The following CERS4 variants were observed in gnomAD, a reference collection of about 807,000 sequenced individuals.
CERS4 encodes ceramide synthase 4, also known as LAG1 homolog, ceramide synthase 4.
A neutral mutation model predicts 51.8 loss-of-function variants in CERS4; 65 were observed. The observed-to-expected ratio is 1.26, with a 90% CI of 1.03 to 1.54. CERS4 has a LOEUF of 1.54. CERS4 is among the 40% of genes most tolerant of loss of function. The probability of loss-of-function intolerance (pLI) is 0.00; values close to 1 mark genes in which losing one functional copy is unlikely to be tolerated. For synonymous variants in CERS4, 228 were observed against 208.4 expected (o/e 1.09, Z -0.81); for missense variants, 563 against 500.4 (o/e 1.13, Z -1.19).
intron 2 of CERS4, among the ~76,000 whole-genome samples, chr19:8,230,864 G>A (rs1488067977): frequency 6.6e-6 from 1 of 152,032 alleles, no homozygotes; most frequent in Non-Finnish European, 1.5e-5. Flanking sequence ...TTTTGAGACA[G>A]GGTCTCACTC....
At chr19:8,246,916 A>G (rs1343731569) in intron 2 of CERS4, among the ~76,000 whole-genome samples, 1 of 152,174 alleles carries the variant, frequency 6.6e-6, no homozygotes, top group Non-Finnish European at 1.5e-5. Context: ...CTATAATCCC[A>G]GCACTTTGGG....
In CERS4 at chr19:8,210,829, A is replaced by C. The variant is rs1967055670; in HGVS notation, c.-35A>C. The C allele has an allele frequency of 6.6e-6, 1 of 151,568 alleles. No individual in the cohort carries two copies. The highest frequency in any genetic ancestry group is 2.1e-4 in the South Asian group (1 of 4,776). The allele number at this position is 151,568 out of a possible 1,614,324, so 9.4% of individuals were successfully genotyped here. On this transcript the variant is annotated 5_prime_UTR_variant, in exon 2 of 12. Coordinates refer to ENST00000251363, the MANE Select transcript of CERS4 (RefSeq NM_024552.3). This position sits in a 1 kb window ranked among gnomAD's most constrained non-coding sequence, Gnocchi z 4.2. Reference sequence around the variant, plus strand: ...GGAAGAGGCATTGAGGACTTTCCTTACCTGTTTTTCCAGCTCACCCACTGC... The same window carrying C: ...GGAAGAGGCATTGAGGACTTTCCTTCCCTGTTTTTCCAGCTCACCCACTGC...
At chr19:8,258,915 C>T (rs888051224) in intron 10 of CERS4, among the ~76,000 whole-genome samples, 1 of 151,872 alleles carries the variant, frequency 6.6e-6, no homozygotes, top group African/African-American at 2.4e-5. Context: ...GGCTGGATCA[C>T]CTGAGGTCAG....
At chr19:8,253,899 A>C (rs1969224627) in intron 3 of CERS4, among the ~76,000 whole-genome samples, 2 of 152,032 alleles carry the variant, frequency 1.3e-5, no homozygotes, top group South Asian at 4.1e-4. Flanking sequence ...TGTTTGGTCT[A>C]ACGCAGCAGC....
chr19:8,219,839 G>C (rs1308940401), intron 2 of CERS4, among the ~76,000 whole-genome samples: 1 of 151,214 alleles, frequency 6.6e-6, no homozygotes, highest in African/African-American at 2.4e-5. Flanking sequence ...AAATTAGCTG[G>C]GTATAGTGGC....
At chr19:8,257,134 C>G in intron 9 of CERS4, 57 bp downstream of exon 9, 2 of 1,517,014 alleles carry the variant, frequency 1.3e-6, no homozygotes, top group South Asian at 2.5e-5. Flanking sequence ...CTCCCAGGTG[C>G]CCCAGAGATG....
chr19:8,211,423 C>G (rs1334604782), intron 2 of CERS4, among the ~76,000 whole-genome samples: 1 of 152,174 alleles, frequency 6.6e-6, no homozygotes, highest in African/African-American at 2.4e-5. Context: ...AGTTGAGGGC[C>G]TCCGGGCTAC....
At chr19:8,232,440 G>A (rs1968052425) in intron 2 of CERS4, among the ~76,000 whole-genome samples, 1 of 151,860 alleles carries the variant, frequency 6.6e-6, no homozygotes, top group South Asian at 2.1e-4. Flanking sequence ...ACAGGCACGT[G>A]CCACCACACC....
intron 2 of CERS4, among the ~76,000 whole-genome samples, chr19:8,233,523 G>C (rs958208436): frequency 6.6e-6 from 1 of 151,908 alleles, no homozygotes. Context: ...CTATGAAAGA[G>C]CTGGCCTGAT....
At chr19:8,261,560 G>T (rs767508547) in intron 10 of CERS4, 128 bp from the exon 11 acceptor site, 2 of 1,047,588 alleles carry the variant, frequency 1.9e-6, no homozygotes, top group Non-Finnish European at 2.8e-6. Flanking sequence ...AGGTATCATG[G>T]GGTGGGGGGC....
At chr19:8,229,437 G>A (rs945758093) in intron 2 of CERS4, among the ~76,000 whole-genome samples, 15 of 149,364 alleles carry the variant, frequency 1.0e-4, no homozygotes, top group African/African-American at 2.7e-4. Flanking sequence ...CTTCTTCTTC[G>A]TGTGTCGCTC....
At chr19:8,243,194 TAAAAAAAAAAAA>T (rs56754017) in intron 2 of CERS4, among the ~76,000 whole-genome samples, 6 of 59,866 alleles carry the variant, frequency 1.0e-4, no homozygotes, top group South Asian at 7.8e-4. Context: ...ACCCTGTCTC[TAAAAAAAAAAAA>T]AAAAAAAAAA....
intron 2 of CERS4, among the ~76,000 whole-genome samples, chr19:8,213,127 C>T (rs1967148430): frequency 6.6e-6 from 1 of 151,984 alleles, no homozygotes; most frequent in African/African-American, 2.4e-5. Context: ...GCAACCTCCA[C>T]CTCCCAAGTT....
At chr19:8,249,736 G>A (rs970185589) in intron 2 of CERS4, among the ~76,000 whole-genome samples, 7 of 150,732 alleles carry the variant, frequency 4.6e-5, no homozygotes, top group Non-Finnish European at 7.4e-5. Context: ...GATTACAGGC[G>A]CACACCACCA....
At chr19:8,213,400 C>T (rs1967158376) in intron 2 of CERS4, among the ~76,000 whole-genome samples, 1 of 152,014 alleles carries the variant, frequency 6.6e-6, no homozygotes, top group Non-Finnish European at 1.5e-5. Context: ...CAGCCTCGAC[C>T]TCCTGAGCTC....
At chr19:8,245,462 T>C (rs1259156940) in intron 2 of CERS4, among the ~76,000 whole-genome samples, 1 of 151,118 alleles carries the variant, frequency 6.6e-6, no homozygotes, top group Non-Finnish European at 1.5e-5. Flanking sequence ...TTGTCCAGGC[T>C]GGTCTCAAAC....
intron 2 of CERS4, among the ~76,000 whole-genome samples, chr19:8,211,217 C>G (rs183887191): frequency 4.6e-5 from 7 of 151,762 alleles, no homozygotes; most frequent in Non-Finnish European, 1.0e-4. Context: ...TGTCTTGGCT[C>G]AGGAGCCACT....
chr19:8,261,921 G>A lies in CERS4; in HGVS notation c.1006-9G>A, dbSNP rs767852651. The A allele has an allele frequency of 5.0e-6, 8 of 1,608,986 alleles. No individual in the cohort carries two copies. The African/African-American group carries it at 1.1e-4, about 22-fold the overall frequency. On this transcript the variant is annotated splice_polypyrimidine_tract_variant and intron_variant, in intron 11 of 11. Coordinates refer to ENST00000251363, the MANE Select transcript of CERS4 (RefSeq NM_024552.3). ...TGCTCTGAGCTCCATCCCTCTCTCT[G>A]TTCCCCAGATGGAGAAGGACATTCG...
intron 10 of CERS4, among the ~76,000 whole-genome samples, chr19:8,260,369 AT>A (rs57861384): frequency 0.069 from 9,656 of 138,964 alleles, 523 homozygotes; most frequent in African/African-American, 0.15. Flanking sequence ...TAATTTTTGT[AT>A]TTTTTTTTTT....
Sources: gnomAD v4.1 joint callset for allele counts (sites outside exome capture counted in the v4.1 genomes callset) on GRCh38, gnomAD v4.1.1 for gene constraint, Gnocchi (gnomAD v3.1) non-coding constraint, MANE v1.5 for transcripts, NCBI Gene and HGNC (gene_info 2026-07-23, HGNC 2026-07-21) for gene names.